The following RPH3A variants were observed in gnomAD, a reference collection of about 807,000 sequenced individuals.
The protein encoded by RPH3A is rabphilin-3A.
Under a neutral mutation model 102.2 loss-of-function variants are expected in RPH3A, and 48 were observed. The observed-to-expected ratio is 0.47, with a 90% confidence interval of 0.37 to 0.60. The LOEUF (loss-of-function observed/expected upper bound fraction) is 0.60, where lower values mean the gene tolerates loss of function less well. RPH3A is among the 20% of genes least tolerant of loss of function. The pLI is 0.00. For missense variants in RPH3A, 781 were observed against 910.1 expected (o/e 0.86, Z 1.83); for synonymous variants, 310 against 324.3 (o/e 0.96, Z 0.47).
chr12:112,794,571 G>T (rs1030969638), intron 2 of RPH3A, among the ~76,000 whole-genome samples: 1 of 152,156 alleles, frequency 6.6e-6, no homozygotes, highest in Non-Finnish European at 1.5e-5. Context: ...CTCTTCTCAG[G>T]AGTAGCAGCA....
At chr12:112,673,004 G>A (rs2040145795) in intron 1 of RPH3A, among the ~76,000 whole-genome samples, 1 of 151,954 alleles carries the variant, frequency 6.6e-6, no homozygotes, top group African/African-American at 2.4e-5. Context: ...TTTGAGGTAT[G>A]TCCTACACCA....
At position 112,712,919 on chromosome 12, in the gene RPH3A, T is replaced by TTCC. The variant is rs1446391719; in HGVS notation, c.-139-79222_-139-79221insCTC. 6.7e-5 allele frequency among the ~76,000 whole-genome samples: 7 copies of TTCC among 104,334 alleles called. 1 individual carries two copies. The South Asian group carries it at 1.6e-3, about 24-fold the overall frequency. 68.4% of individuals were successfully genotyped at this position (104,334 alleles called of 152,430 possible). A position where few individuals can be genotyped will look rare whatever the true frequency, so the allele number is the denominator to read the frequency against. On this transcript the variant is annotated intron_variant, in intron 1 of 21. Transcript: ENST00000543106. ...CTTCTTCTTCCTCTTCTTCTTCTTC[T>TTCC]TCTTCCTCTTCTTCTTCTTCTTCTT... is the stretch of plus-strand genomic sequence containing the variant.
intron 2 of RPH3A, among the ~76,000 whole-genome samples, chr12:112,823,761 G>A (rs1826384522): frequency 1.3e-5 from 2 of 152,124 alleles, no homozygotes; most frequent in African/African-American, 4.8e-5. Flanking sequence ...TGTAGTGAGT[G>A]ATGGGAAAGT....
intron 1 of RPH3A, among the ~76,000 whole-genome samples, chr12:112,758,168 T>C (rs2040833667): frequency 1.3e-5 from 2 of 152,182 alleles, no homozygotes; most frequent in Admixed American, 6.5e-5. Context: ...GAGAGCTCAA[T>C]GGAAGATGAG....
At chr12:112,747,503 T>TCCCAGATTTTTCAGAG (rs2040757317) in intron 1 of RPH3A, among the ~76,000 whole-genome samples, 1 of 152,258 alleles carries the variant, frequency 6.6e-6, no homozygotes, top group Non-Finnish European at 1.5e-5. Context: ...GTATCTCTAG[T>TCCCAGATTTTTCAGAG]GCCTTTTAAT....
At chr12:112,709,652 C>T (rs142822142) in intron 1 of RPH3A, among the ~76,000 whole-genome samples, 353 of 152,204 alleles carry the variant, frequency 2.3e-3, no homozygotes, top group Non-Finnish European at 4.0e-3. Context: ...GTGCCAGGCA[C>T]TGTGCTATAT....
chr12:112,726,074 C>T (rs1327288669), intron 1 of RPH3A, among the ~76,000 whole-genome samples: 7 of 145,572 alleles, frequency 4.8e-5, no homozygotes, highest in South Asian at 2.4e-4. Context: ...GGATTGCAGG[C>T]GTGAGCCACC....
chr12:112,580,902 C>T (rs2039396158), intron 1 of RPH3A, among the ~76,000 whole-genome samples: 2 of 152,136 alleles, frequency 1.3e-5, no homozygotes, highest in South Asian at 2.1e-4. Flanking sequence ...GAGTGTTTTC[C>T]TGTAAGAATT....
At chr12:112,643,577 C>G (rs2039905998) in intron 1 of RPH3A, among the ~76,000 whole-genome samples, 1 of 152,260 alleles carries the variant, frequency 6.6e-6, no homozygotes, top group South Asian at 2.1e-4. Flanking sequence ...TCCAGCCTCA[C>G]TTTCATCTCA....
At chr12:112,669,416 G>A (rs1364870944) in intron 1 of RPH3A, among the ~76,000 whole-genome samples, 3 of 152,106 alleles carry the variant, frequency 2.0e-5, no homozygotes, top group African/African-American at 7.2e-5. Context: ...AAGAAATGTT[G>A]GCCAAAAAGC....
intron 5 of RPH3A, among the ~76,000 whole-genome samples, chr12:112,849,821 G>T (rs552965574): frequency 2.2e-4 from 33 of 152,184 alleles, no homozygotes; most frequent in African/African-American, 8.0e-4. Flanking sequence ...TCTTATCCAG[G>T]GTCCAAATTC....
chr12:112,746,833 C>G (rs1024065333), intron 1 of RPH3A, among the ~76,000 whole-genome samples: 1 of 152,132 alleles, frequency 6.6e-6, no homozygotes, highest in Non-Finnish European at 1.5e-5. Context: ...CTCAGTCTCT[C>G]TCTGTCTCAC....
intron 10 of RPH3A, chr12:112,874,772 C>T (rs923609058): frequency 9.6e-6 from 3 of 311,386 alleles, no homozygotes; most frequent in Non-Finnish European, 1.8e-5. Flanking sequence ...AAGTGATTAT[C>T]TCCATATACC....
Position 112,896,733 on chromosome 12 carries a change from G to A in RPH3A, c.2038G>A (p.Glu680Lys). Residue 680 changes from glutamate (E) to lysine (K), a missense_variant, in exon 22 of 22, where the codon GAG (glutamate) becomes AAG (lysine). Physicochemically the swap from Glu to Lys is moderately conservative, Grantham distance 56. This residue lies in a region of RPH3A where 51 missense variants were observed against 100.1 expected (regional missense o/e 0.51). Transcript: ENST00000389385. ...ECLKNKDKKI[E>K]RWHQLQNENH... ...TCTGAAAAATAAAGACAAGAAGATA[G>A]AGCGCTGGCACCAGCTACAGAATGA... 1.2e-6 allele frequency: 2 copies of A among 1,614,128 alleles called. No individual in the cohort carries two copies. The highest frequency in any genetic ancestry group is 2.2e-5 in the South Asian group (2 of 91,072).
rs996821122 is a variant in RPH3A, at chr12:112,866,689, G to A, written c.361-68G>A. ...CTTTACATCCACCAAGAGAAAGTGG[G>A]GGGCTACGTTGCCATGCCTCCCATG... On this transcript the variant is annotated intron_variant, in intron 6 of 21. Transcript: ENST00000389385. The A allele has an allele frequency of 3.9e-6, 5 of 1,298,480 alleles. No homozygotes were observed. In the African/African-American group the frequency reaches 5.9e-5, roughly 15 times the overall value. The allele number at this position is 1,298,480 out of a possible 1,614,324, so 80.4% of individuals were successfully genotyped here.
intron 1 of RPH3A, among the ~76,000 whole-genome samples, chr12:112,596,472 C>T (rs2039517227): frequency 6.6e-6 from 1 of 152,204 alleles, no homozygotes; most frequent in South Asian, 2.1e-4. Flanking sequence ...ATTCAAACAA[C>T]CATTATTTTC....
At chr12:112,654,876 T>C (rs2039999261) in intron 1 of RPH3A, among the ~76,000 whole-genome samples, 1 of 152,186 alleles carries the variant, frequency 6.6e-6, no homozygotes, top group African/African-American at 2.4e-5. Context: ...AAAAGGAGTA[T>C]GTGTGGGAGC....
chr12:112,634,436 G>T (rs1421412315), intron 1 of RPH3A, among the ~76,000 whole-genome samples: 1 of 147,636 alleles, frequency 6.8e-6, no homozygotes, highest in Non-Finnish European at 1.5e-5. Flanking sequence ...GGCACCTGTG[G>T]TCCCAGCTAC....
At chr12:112,619,563 G>A (rs113495503) in intron 1 of RPH3A, among the ~76,000 whole-genome samples, 3,578 of 152,162 alleles carry the variant, frequency 0.024, 147 homozygotes, top group African/African-American at 0.081. Context: ...GATTACAGGC[G>A]TGAGCTACCG....
Sources: gnomAD v4.1 joint callset for allele counts (sites outside exome capture counted in the v4.1 genomes callset) on GRCh38, gnomAD v4.1.1 for gene constraint, gnomAD v4.1.1 regional missense constraint, MANE v1.5 for transcripts, NCBI Gene and HGNC (gene_info 2026-07-23, HGNC 2026-07-21) for gene names.